The following IMMP1L variants were observed in gnomAD, a reference collection of about 807,000 sequenced individuals.
IMMP1L encodes inner mitochondrial membrane peptidase subunit 1.
IMMP1L carries 24 observed loss-of-function variants against 21.8 expected under a neutral mutation model. The observed-to-expected ratio is 1.10, with a 90% CI of 0.80 to 1.55. The LOEUF is 1.55. Among genes scored for constraint, IMMP1L ranks in the 40% most tolerant of loss-of-function variants. IMMP1L has a pLI of 0.00. For missense variants in IMMP1L, 195 were observed against 200.7 expected (o/e 0.97, Z 0.17); for synonymous variants, 46 against 62.8 (o/e 0.73, Z 1.26).
At chr11:31,499,567 T>G (rs990795364) in intron 1 of IMMP1L, among the ~76,000 whole-genome samples, 60 of 152,198 alleles carry the variant, frequency 3.9e-4, no homozygotes, top group African/African-American at 1.4e-3. Flanking sequence ...GTTAGCAAAT[T>G]ATAGTTCACA....
intron 1 of IMMP1L, among the ~76,000 whole-genome samples, chr11:31,508,869 T>C (rs1955884284): frequency 6.6e-6 from 1 of 152,190 alleles, no homozygotes; most frequent in Non-Finnish European, 1.5e-5. Flanking sequence ...ACACATAAAA[T>C]TGGTATTTTA....
At chr11:31,450,856 A>C (rs1482936453) in intron 4 of IMMP1L, among the ~76,000 whole-genome samples, 1 of 152,186 alleles carries the variant, frequency 6.6e-6, no homozygotes, top group Non-Finnish European at 1.5e-5. Flanking sequence ...ACCCTTCAAG[A>C]ATTTTAAAAA....
At chr11:31,501,898 A>C (rs1955629933) in intron 1 of IMMP1L, among the ~76,000 whole-genome samples, 1 of 152,014 alleles carries the variant, frequency 6.6e-6, no homozygotes. Context: ...GAATTACTTG[A>C]ACCTGGGAGG....
At chr11:31,434,788 A>G (rs1486523664) in intron 4 of IMMP1L, among the ~76,000 whole-genome samples, 1 of 152,218 alleles carries the variant, frequency 6.6e-6, no homozygotes, top group African/African-American at 2.4e-5. Context: ...GAAAAAGGAC[A>G]TAAGTTTACT....
At chr11:31,508,208 G>A in intron 1 of IMMP1L, among the ~76,000 whole-genome samples, 1 of 152,122 alleles carries the variant, frequency 6.6e-6, no homozygotes, top group South Asian at 2.1e-4. Context: ...ATATTGGACT[G>A]CTTTGTCACT....
At chr11:31,485,894 A>C (rs1379953673) in intron 1 of IMMP1L, among the ~76,000 whole-genome samples, 1 of 151,836 alleles carries the variant, frequency 6.6e-6, no homozygotes, top group East Asian at 1.9e-4. Context: ...AAAAACTTAA[A>C]ATGTATTCTG....
At chr11:31,489,903 C>T (rs184909404) in intron 1 of IMMP1L, among the ~76,000 whole-genome samples, 77 of 152,262 alleles carry the variant, frequency 5.1e-4, no homozygotes, top group African/African-American at 1.8e-3. Context: ...TCTAAATATA[C>T]TTAAATTGTA....
In IMMP1L at chr11:31,463,413, T is replaced by C. The variant is rs990135044; in HGVS notation, c.-29-108A>G. Reference sequence around the variant, plus strand: ...CACCCAAAATGTACTAAGTGCCTAATACAATTTGGTGCAGGAAACCAAGAG... The same window carrying C: ...CACCCAAAATGTACTAAGTGCCTAACACAATTTGGTGCAGGAAACCAAGAG... On this transcript the variant is annotated intron_variant, in intron 1 of 5. Transcript: ENST00000532287. 7.9e-6 allele frequency: 8 copies of C among 1,016,876 alleles called. No individual in the cohort carries two copies. The East Asian group carries it at 2.1e-4, about 27-fold the overall frequency. 63.0% of individuals were successfully genotyped at this position (1,016,876 alleles called of 1,614,324 possible).
intron 1 of IMMP1L, among the ~76,000 whole-genome samples, chr11:31,486,312 T>C (rs913197703): frequency 1.3e-5 from 2 of 151,898 alleles, no homozygotes; most frequent in Non-Finnish European, 2.9e-5. Flanking sequence ...ACTCAATCTC[T>C]CTAGTCCTTA....
chr11:31,460,836 C>A, intron 2 of IMMP1L, 122 bp from the exon 3 acceptor site: 1 of 735,646 alleles, frequency 1.4e-6, no homozygotes, highest in Middle Eastern at 3.5e-4. Context: ...GGGGATGATT[C>A]ATGAAAATTT....
intron 4 of IMMP1L, among the ~76,000 whole-genome samples, chr11:31,444,064 T>C (rs1329611333): frequency 6.6e-6 from 1 of 152,186 alleles, no homozygotes; most frequent in African/African-American, 2.4e-5. Context: ...GTGGGCTGTT[T>C]AGGATAGTGG....
chr11:31,456,957 A>AAAAAG (rs1477235500), intron 3 of IMMP1L, among the ~76,000 whole-genome samples: 1 of 140,544 alleles, frequency 7.1e-6, no homozygotes, highest in Non-Finnish European at 1.6e-5. Flanking sequence ...CCAAAAAAAG[A>AAAAAG]AAAAAAAACC....
chr11:31,450,848 C>G (rs1005787015), intron 4 of IMMP1L, among the ~76,000 whole-genome samples: 1 of 151,928 alleles, frequency 6.6e-6, no homozygotes, highest in African/African-American at 2.4e-5. Context: ...ATCTGTCCAC[C>G]CTTCAAGAAT....
chr11:31,440,941 T>G (rs1953305323), intron 4 of IMMP1L, among the ~76,000 whole-genome samples: 1 of 152,176 alleles, frequency 6.6e-6, no homozygotes, highest in Non-Finnish European at 1.5e-5. Flanking sequence ...ATGGCATAAA[T>G]GTTCCTCAGT....
chr11:31,438,218 C>G (rs1007283125), intron 4 of IMMP1L, among the ~76,000 whole-genome samples: 1 of 152,114 alleles, frequency 6.6e-6, no homozygotes, highest in Non-Finnish European at 1.5e-5. Context: ...CTCTCCAGCA[C>G]TTGGTATTAT....
intron 1 of IMMP1L, among the ~76,000 whole-genome samples, chr11:31,492,707 T>C (rs1019605957): frequency 1.1e-4 from 17 of 152,122 alleles, no homozygotes; most frequent in African/African-American, 4.1e-4. Context: ...TATGTCTCAG[T>C]GACACAATGA....
chr11:31,449,930 C>T (rs1953683073), intron 4 of IMMP1L, among the ~76,000 whole-genome samples: 1 of 152,164 alleles, frequency 6.6e-6, no homozygotes, highest in Non-Finnish European at 1.5e-5. Flanking sequence ...ACTAACCACA[C>T]TAACCACAGA....
intron 1 of IMMP1L, among the ~76,000 whole-genome samples, chr11:31,500,233 T>C (rs554228301): frequency 6.6e-6 from 1 of 152,110 alleles, no homozygotes; most frequent in Admixed American, 6.5e-5. Context: ...CCAGTTACTA[T>C]ATTATTCCAC....
intron 4 of IMMP1L, among the ~76,000 whole-genome samples, chr11:31,445,309 C>T (rs1008108112): frequency 6.6e-6 from 1 of 152,194 alleles, no homozygotes; most frequent in Non-Finnish European, 1.5e-5. Flanking sequence ...TTATTCGTGG[C>T]ACTCCACTTA....
Sources: allele counts gnomAD v4.1 joint callset (sites outside exome capture counted in the v4.1 genomes callset), GRCh38; gene constraint gnomAD v4.1.1; transcripts MANE v1.5; gene names NCBI Gene and HGNC (gene_info 2026-07-23, HGNC 2026-07-21).